Variants in TRMT11 observed in about 807,000 individuals in gnomAD.
The protein encoded by TRMT11 is tRNA methyltransferase 11, also known as tRNA (guanine(10)-N(2))-methyltransferase TRMT11.
A neutral mutation model predicts 62.8 loss-of-function variants in TRMT11; 53 were observed. The ratio of observed to expected loss-of-function variants is 0.84; its 90% CI spans 0.68 to 1.06. The LOEUF is 1.06. TRMT11 is among the 50% of genes least tolerant of loss of function. The pLI is 0.00. For synonymous variants in TRMT11, 188 were observed against 190.3 expected (o/e 0.99, Z 0.10); for missense variants, 556 against 553.4 (o/e 1.00, Z -0.05).
downstream of TRMT11, among the ~76,000 whole-genome samples, chr6:126,204,761 C>G (rs1429606094): frequency 6.6e-6 from 1 of 152,192 alleles, no homozygotes; most frequent in African/African-American, 2.4e-5. Flanking sequence ...TTGTGCAGTA[C>G]TATGTATTAA....
At chr6:126,117,866 G>A (rs944329869) in intron 21 of TRMT11, among the ~76,000 whole-genome samples, 7 of 152,036 alleles carry the variant, frequency 4.6e-5, no homozygotes, top group African/African-American at 1.4e-4. Flanking sequence ...ATAGAATGTC[G>A]CTTAACCTCT....
At chr6:126,110,412 T>C (rs769461972) in intron 17 of TRMT11, among the ~76,000 whole-genome samples, 16 of 152,148 alleles carry the variant, frequency 1.1e-4, no homozygotes, top group African/African-American at 1.9e-4. Context: ...GTGAAATATG[T>C]ATTCAAAAAG....
chr6:126,235,040 A>G, the TRMT11 span, among the ~76,000 whole-genome samples: 2 of 152,224 alleles, frequency 1.3e-5, no homozygotes, highest in Admixed American at 6.5e-5. Context: ...AAAGTGGGCA[A>G]AGGACATGAA....
intron 18 of TRMT11, among the ~76,000 whole-genome samples, chr6:126,114,601 CTTT>C (rs1777567616): frequency 6.6e-6 from 1 of 152,062 alleles, no homozygotes; most frequent in Non-Finnish European, 1.5e-5. Flanking sequence ...TGTACTGTGA[CTTT>C]TTATATCTTT....
the TRMT11 span, among the ~76,000 whole-genome samples, chr6:126,228,587 A>T: frequency 6.6e-6 from 1 of 152,044 alleles, no homozygotes; most frequent in Admixed American, 6.6e-5. Flanking sequence ...TTATAAGCCG[A>T]TCTGTTCATT....
At chr6:126,077,319 C>G (rs760271135) in intron 17 of TRMT11, among the ~76,000 whole-genome samples, 2 of 152,220 alleles carry the variant, frequency 1.3e-5, no homozygotes, top group Non-Finnish European at 2.9e-5. Context: ...ATTTGGCTGT[C>G]TGATGCTGAA....
chr6:126,116,471 T>G lies in TRMT11; in HGVS notation c.*1823+616T>G, dbSNP rs185699327. 1.6e-4 allele frequency among the ~76,000 whole-genome samples: 25 copies of G among 152,222 alleles called. No individual in the cohort carries two copies. The South Asian group carries it at 5.0e-3, about 30-fold the overall frequency. ...ATACAAATCTTCTGGCCTCCATCTC[T>G]TCTTCTTCCCATAAGCCCACAGTTT... On this transcript the variant is annotated intron_variant and NMD_transcript_variant, in intron 21 of 22. Transcript: ENST00000648977.
At chr6:126,258,044 A>T in the TRMT11 span, 3 of 1,314,484 alleles carry the variant, frequency 2.3e-6, no homozygotes, top group Non-Finnish European at 3.3e-6. Flanking sequence ...CAGCCTGGGC[A>T]TCCTCACTCT....
chr6:126,239,012 A>G, the TRMT11 span, among the ~76,000 whole-genome samples: 1 of 152,026 alleles, frequency 6.6e-6, no homozygotes, highest in Non-Finnish European at 1.5e-5. Flanking sequence ...AGTCTGTTTT[A>G]TTAGAGACTA....
chr6:126,038,437 C>CAAAAAAA (rs72178194), intron 12 of TRMT11, among the ~76,000 whole-genome samples: 1 of 129,256 alleles, frequency 7.7e-6, no homozygotes, highest in African/African-American at 2.9e-5. Context: ...TGCCCTGAGG[C>CAAAAAAA]AAAAAAAAAA....
At chr6:126,256,945 G>A in the TRMT11 span, among the ~76,000 whole-genome samples, 1 of 152,170 alleles carries the variant, frequency 6.6e-6, no homozygotes, top group Admixed American at 6.5e-5. Flanking sequence ...GAGTGTAATG[G>A]TGCAATCTCG....
intron 21 of TRMT11, among the ~76,000 whole-genome samples, chr6:126,167,689 G>T (rs1188746817): frequency 1.3e-5 from 2 of 152,190 alleles, no homozygotes; most frequent in Admixed American, 6.5e-5. Context: ...TGTGTATATG[G>T]TGTGTGTCTG....
At position 126,058,090 on chromosome 6, in the gene TRMT11, T is replaced by C. The variant is rs1414747431; in HGVS notation, c.*1437+4900T>C. 2.0e-5 allele frequency among the ~76,000 whole-genome samples: 3 copies of C among 152,174 alleles called. No individual in the cohort carries two copies. In the East Asian group the frequency reaches 5.8e-4, roughly 29 times the overall value. ...ACACTACATTAGGTATTTCTCCTAA[T>C]GCTATCCCACTCCTAGCCCCCCACC... is the stretch of plus-strand genomic sequence containing the variant. On this transcript the variant is annotated intron_variant and NMD_transcript_variant, in intron 17 of 22. Transcript: ENST00000648977.
chr6:126,063,791 C>T (rs1051617796), intron 17 of TRMT11, among the ~76,000 whole-genome samples: 9 of 152,176 alleles, frequency 5.9e-5, no homozygotes, highest in South Asian at 2.1e-4. Flanking sequence ...AATAAACAAT[C>T]GGTGAGCAAA....
intron 17 of TRMT11, among the ~76,000 whole-genome samples, chr6:126,062,464 A>G (rs973157460): frequency 4.7e-4 from 71 of 152,216 alleles, no homozygotes; most frequent in African/African-American, 1.6e-3. Context: ...AATAATCATC[A>G]GAATATAGGT....
At chr6:125,993,864 A>G in intron 2 of TRMT11, 42 bp downstream of exon 2, 1 of 1,210,736 alleles carries the variant, frequency 8.3e-7, no homozygotes, top group South Asian at 1.3e-5. Context: ...TATACTTAGA[A>G]ATAGAGCCTT....
intron 21 of TRMT11, among the ~76,000 whole-genome samples, chr6:126,143,402 A>G (rs1777941105): frequency 6.6e-6 from 1 of 152,178 alleles, no homozygotes; most frequent in Non-Finnish European, 1.5e-5. Flanking sequence ...ACTTATTAAG[A>G]TCAAATAAAA....
intron 21 of TRMT11, among the ~76,000 whole-genome samples, chr6:126,132,690 A>G (rs1398222225): frequency 1.3e-5 from 2 of 152,046 alleles, no homozygotes; most frequent in Non-Finnish European, 2.9e-5. Flanking sequence ...TCTCTCCAAG[A>G]CAGTAATGAC....
chr6:126,122,746 A>G (rs1223139524), intron 21 of TRMT11, among the ~76,000 whole-genome samples: 1 of 152,036 alleles, frequency 6.6e-6, no homozygotes, highest in East Asian at 1.9e-4. Context: ...AATTTCCCCT[A>G]TATCTTTGGG....
Sources: gnomAD v4.1 joint callset for allele counts (sites outside exome capture counted in the v4.1 genomes callset) on GRCh38, gnomAD v4.1.1 for gene constraint, MANE v1.5 for transcripts, NCBI Gene and HGNC (gene_info 2026-07-23, HGNC 2026-07-21) for gene names.